The following CPAP variants were observed in gnomAD, a reference collection of about 807,000 sequenced individuals.
CPAP encodes centrosome assembly and centriole elongation protein.
chr13:24,913,054 A>G, the CPAP span: 1 of 1,592,582 alleles, frequency 6.3e-7, no homozygotes, highest in Non-Finnish European at 8.6e-7. Flanking sequence ...TTATATTTAA[A>G]CAATGCAAAG....
the CPAP span, among the ~76,000 whole-genome samples, chr13:24,887,475 C>A: frequency 6.6e-6 from 1 of 152,156 alleles, no homozygotes; most frequent in Non-Finnish European, 1.5e-5. Flanking sequence ...CTCATAGGAG[C>A]AAGAACCCTA....
At chr13:24,912,723 G>A in the CPAP span, 4 of 1,614,130 alleles carry the variant, frequency 2.5e-6, no homozygotes, top group Admixed American at 5.0e-5. Context: ...CCTTTTTAAT[G>A]CAAGGAAAGG....
At chr13:24,910,692 G>C in the CPAP span, among the ~76,000 whole-genome samples, 2 of 152,238 alleles carry the variant, frequency 1.3e-5, no homozygotes, top group Non-Finnish European at 2.9e-5. Flanking sequence ...TAGTTCTTAT[G>C]TAAATAACTT....
the CPAP span, among the ~76,000 whole-genome samples, chr13:24,907,631 AATACTT>A: frequency 0.14 from 21,678 of 152,044 alleles, 1,998 homozygotes; most frequent in Admixed American, 0.26. Flanking sequence ...TAAAATATAA[AATACTT>A]AATCTTTGCC....
At chr13:24,888,295 G>T in the CPAP span, among the ~76,000 whole-genome samples, 1 of 151,936 alleles carries the variant, frequency 6.6e-6, no homozygotes, top group Non-Finnish European at 1.5e-5. Context: ...AACCCAGATT[G>T]GGAGAAAATA....
At chr13:24,921,900 TG>T in the CPAP span, among the ~76,000 whole-genome samples, 1 of 152,130 alleles carries the variant, frequency 6.6e-6, no homozygotes, top group South Asian at 2.1e-4. Flanking sequence ...AATGTCAGCA[TG>T]AAGTATAAAA....
chr13:24,915,947 C>T, the CPAP span, among the ~76,000 whole-genome samples: 1 of 152,142 alleles, frequency 6.6e-6, no homozygotes, highest in Non-Finnish European at 1.5e-5. Flanking sequence ...TGAGAACTGA[C>T]CTCTGAATTT....
the CPAP span, among the ~76,000 whole-genome samples, chr13:24,932,479 C>T: frequency 6.6e-6 from 1 of 152,072 alleles, no homozygotes; most frequent in Non-Finnish European, 1.5e-5. Context: ...CCATCTCCCT[C>T]CCAAAAACAC....
the CPAP span, among the ~76,000 whole-genome samples, chr13:24,910,814 C>T: frequency 1.3e-5 from 2 of 152,194 alleles, no homozygotes; most frequent in Non-Finnish European, 2.9e-5. Context: ...TAAAGAAACC[C>T]TAAGCCATTC....
chr13:24,885,236 A>T, the CPAP span: 1 of 1,341,514 alleles, frequency 7.5e-7, no homozygotes, highest in Non-Finnish European at 1.1e-6. Context: ...ACCCATGTTT[A>T]TTTTTTATAG....
the CPAP span, among the ~76,000 whole-genome samples, chr13:24,932,663 CATA>C: frequency 1.3e-5 from 2 of 152,148 alleles, no homozygotes; most frequent in African/African-American, 4.8e-5. Context: ...TTCACTATCA[CATA>C]ATGTTAATTT....
chr13:24,917,654 C>G, the CPAP span, among the ~76,000 whole-genome samples: 1 of 152,126 alleles, frequency 6.6e-6, no homozygotes, highest in Admixed American at 6.5e-5. Context: ...GAAAACAGTA[C>G]AAGTTACAGT....
the CPAP span, chr13:24,907,319 C>G: frequency 1.4e-6 from 1 of 721,620 alleles, no homozygotes; most frequent in East Asian, 2.7e-5. Context: ...CAGTGCCTCC[C>G]TTTGAGAACC....
At chr13:24,886,039 A>G in the CPAP span, 1 of 368,796 alleles carries the variant, frequency 2.7e-6, no homozygotes, top group Non-Finnish European at 5.2e-6. Flanking sequence ...TAAAACATAA[A>G]TGCCCTTGTG....
chr13:24,885,081 G>C, the CPAP span, among the ~76,000 whole-genome samples: 1 of 152,126 alleles, frequency 6.6e-6, no homozygotes. Context: ...GAAGTGCCAA[G>C]GATTACAAAG....
the CPAP span, among the ~76,000 whole-genome samples, chr13:24,918,817 G>A: frequency 1.3e-5 from 2 of 152,084 alleles, no homozygotes; most frequent in Admixed American, 6.5e-5. Flanking sequence ...GAAGAGAAAG[G>A]GTTGGTTTTG....
At chr13:24,894,030 G>C in the CPAP span, among the ~76,000 whole-genome samples, 1 of 152,094 alleles carries the variant, frequency 6.6e-6, no homozygotes, top group Non-Finnish European at 1.5e-5. Flanking sequence ...TCACTGAACA[G>C]AGCTGGGGGA....
the CPAP span, among the ~76,000 whole-genome samples, chr13:24,910,697 T>C: frequency 6.6e-6 from 1 of 152,246 alleles, no homozygotes; most frequent in Non-Finnish European, 1.5e-5. Context: ...CTTATGTAAA[T>C]AACTTTGAAA....
At chr13:24,907,256 T>A in the CPAP span, 1 of 1,358,368 alleles carries the variant, frequency 7.4e-7, no homozygotes, top group Non-Finnish European at 1.0e-6. Flanking sequence ...TTACACTTAG[T>A]GTGCCTGGTA....
Sources: allele counts gnomAD v4.1 joint callset (sites outside exome capture counted in the v4.1 genomes callset), GRCh38; gene constraint gnomAD v4.1.1; transcripts MANE v1.5; gene names NCBI Gene and HGNC (gene_info 2026-07-23, HGNC 2026-07-21).